OPRM1: variants seen among roughly 807,000 people sequenced by gnomAD.
The protein encoded by OPRM1 is mu-type opioid receptor.
In OPRM1, 27 loss-of-function variants were observed where a neutral mutation model predicts 31.8. The ratio of observed to expected loss-of-function variants is 0.85; its 90% CI spans 0.63 to 1.17. The LOEUF is 1.17. Ranked by LOEUF, OPRM1 falls within the 50% of genes most tolerant of loss-of-function variation. The pLI is 0.00. For missense variants in OPRM1, 536 were observed against 511.1 expected (o/e 1.05, Z -0.47); for synonymous variants, 196 against 189.9 (o/e 1.03, Z -0.26).
intron 3 of OPRM1, among the ~76,000 whole-genome samples, chr6:154,186,690 G>A (rs1583741606): frequency 6.6e-6 from 1 of 152,158 alleles, no homozygotes; most frequent in African/African-American, 2.4e-5. Flanking sequence ...CCGAGTAGCT[G>A]GGACTACAGG....
rs1048054616 is a variant in OPRM1 at position 154,168,359 on chromosome 6, C to T, written c.1164+76887C>T. 7.9e-5 allele frequency among the ~76,000 whole-genome samples: 12 copies of T among 152,122 alleles called. No individual in the cohort carries two copies. The highest frequency in any genetic ancestry group is 2.7e-4 in the African/African-American group (11 of 41,422). On this transcript the variant is annotated intron_variant, in intron 3 of 3. Transcript: ENST00000337049. The surrounding 1 kb of genome is among the most constrained non-coding windows in gnomAD (Gnocchi z 4.1). ...TTATTCCAAGCCTCTCTCCTGGCTT[C>T]AAGTGGTTTTTTGGTTTGTGGCAGT...
chr6:154,012,117 C>A (rs1331988066), intron 1 of OPRM1, among the ~76,000 whole-genome samples: 1 of 152,102 alleles, frequency 6.6e-6, no homozygotes, highest in Non-Finnish European at 1.5e-5. Context: ...TTGGACTGAA[C>A]AAAAGGTTTG....
chr6:154,025,747 A>G (rs1036069233), intron 1 of OPRM1, among the ~76,000 whole-genome samples: 7 of 151,938 alleles, frequency 4.6e-5, no homozygotes, highest in Non-Finnish European at 8.8e-5. Flanking sequence ...CTATCTTGTA[A>G]CTCATTATTT....
intron 3 of OPRM1, among the ~76,000 whole-genome samples, chr6:154,229,278 A>G (rs1481779357): frequency 1.3e-5 from 2 of 151,924 alleles, no homozygotes; most frequent in African/African-American, 4.8e-5. Flanking sequence ...TGAATGAACT[A>G]TAATCTTTTT....
rs905644272 is a variant in OPRM1, at chr6:154,168,615, T to C, written c.1164+77143T>C. On this transcript the variant is annotated intron_variant, in intron 3 of 3. Transcript: ENST00000337049. This position sits in a 1 kb window ranked among gnomAD's most constrained non-coding sequence, Gnocchi z 4.1. ...AATTAATTAATTAATTTTATTATTA[T>C]TTTTTTTGAGACGGAGTTTTACTGC... Among the ~76,000 whole-genome samples, 2 of 151,002 alleles carry C rather than the reference T, an allele frequency of 1.3e-5. No individual in the cohort carries two copies. The highest frequency in any genetic ancestry group is 2.5e-5 in the African/African-American group (1 of 40,764).
At chr6:154,153,159 T>C (rs764191750) in intron 3 of OPRM1, among the ~76,000 whole-genome samples, 50 of 152,342 alleles carry the variant, frequency 3.3e-4, no homozygotes, top group Non-Finnish European at 4.1e-4. Context: ...AGGACTTTCA[T>C]GCTTCTAGCT....
At chr6:154,067,087 AT>A (rs1785582708) in intron 1 of OPRM1, among the ~76,000 whole-genome samples, 1 of 151,950 alleles carries the variant, frequency 6.6e-6, no homozygotes, top group Non-Finnish European at 1.5e-5. Context: ...CTAGTTAAAG[AT>A]TTGCCAATTT....
upstream of OPRM1, among the ~76,000 whole-genome samples, chr6:154,034,804 T>C (rs1351271639): frequency 1.3e-5 from 2 of 152,108 alleles, no homozygotes; most frequent in African/African-American, 4.8e-5. Flanking sequence ...AGAGCAAGAC[T>C]TGAATAGAAA....
At chr6:154,010,721 A>C in exon 1 of OPRM1, 1 of 1,432,562 alleles carries the variant, frequency 7.0e-7, no homozygotes, top group Non-Finnish European at 9.1e-7. Flanking sequence ...CAGTGTGTGG[A>C]CATGACTTTG....
At chr6:154,145,672 A>C (rs1454198440) in intron 3 of OPRM1, among the ~76,000 whole-genome samples, 1 of 152,388 alleles carries the variant, frequency 6.6e-6, no homozygotes, top group South Asian at 2.1e-4. Context: ...TAAAATAGCT[A>C]AAACATTTTG....
chr6:154,169,526 A>G (rs1264042782), intron 3 of OPRM1, among the ~76,000 whole-genome samples: 1 of 152,216 alleles, frequency 6.6e-6, no homozygotes, highest in East Asian at 1.9e-4. Flanking sequence ...AATTATACAC[A>G]TGCTAAAGTT....
intron 1 of OPRM1, among the ~76,000 whole-genome samples, chr6:154,014,988 C>T (rs1024123825): frequency 6.6e-6 from 1 of 151,972 alleles, no homozygotes; most frequent in African/African-American, 2.4e-5. Context: ...AAGAAGTGTT[C>T]ACATCTCTAG....
chr6:154,223,464 C>CA (rs1279485026), intron 3 of OPRM1, among the ~76,000 whole-genome samples: 1 of 152,134 alleles, frequency 6.6e-6, no homozygotes, highest in Non-Finnish European at 1.5e-5. Context: ...AGAGAAGTGG[C>CA]ATGACATGAC....
chr6:154,061,984 A>C (rs538196224), intron 1 of OPRM1, among the ~76,000 whole-genome samples: 13 of 152,328 alleles, frequency 8.5e-5, no homozygotes, highest in Non-Finnish European at 1.2e-4. Flanking sequence ...AAAGCTCAAT[A>C]ACATTTTTGT....
intron 3 of OPRM1, among the ~76,000 whole-genome samples, chr6:154,166,339 C>T (rs1218503380): frequency 6.6e-6 from 1 of 152,248 alleles, no homozygotes; most frequent in Admixed American, 6.5e-5. Context: ...CCTGAGTCTG[C>T]TGCTCTGTGG....
rs764937431 is a variant in OPRM1, at chr6:154,169,357, T to TCA, written c.1165-77321_1165-77320dup. Among the ~76,000 whole-genome samples, 232 of 151,384 alleles carry TCA rather than the reference T, an allele frequency of 1.5e-3. 2 individuals are homozygous for TCA. The East Asian group carries it at 0.033, about 21-fold the overall frequency. ...GCCTGGGCTACAGAGTGAGACTCTG[T>TCA]CACACACACACACACAAAATATCAT... On this transcript the variant is annotated intron_variant, in intron 3 of 3. Transcript: ENST00000337049.
intron 1 of OPRM1, among the ~76,000 whole-genome samples, chr6:154,089,474 G>C (rs1416611543): frequency 6.6e-6 from 1 of 150,986 alleles, no homozygotes. Flanking sequence ...TGGGATCCCA[G>C]TTATTCAGGA....
chr6:154,119,238 A>G lies in OPRM1; in HGVS notation c.*517A>G, dbSNP rs1797173444. On this transcript the variant is annotated 3_prime_UTR_variant, in exon 4 of 4. Coordinates refer to ENST00000330432, the MANE Select transcript of OPRM1 (RefSeq NM_000914.5). ...TTCACCTTAAAATTAGCATCTGGCT[A>G]AGGCATCATTTTCACCTCCATTTCT... is the stretch of plus-strand genomic sequence containing the variant. The G allele has an allele frequency of 1.0e-6, 1 of 985,552 alleles. No individual in the cohort carries two copies. The highest frequency in any genetic ancestry group is 6.1e-5 in the Admixed American group (1 of 16,262). 61.1% of individuals were successfully genotyped at this position (985,552 alleles called of 1,614,324 possible).
At chr6:154,194,250 T>G (rs1172654036) in intron 3 of OPRM1, among the ~76,000 whole-genome samples, 1 of 151,952 alleles carries the variant, frequency 6.6e-6, no homozygotes, top group African/African-American at 2.4e-5. Context: ...AAATACAAAA[T>G]TAGCCAGGCG....
Sources: allele counts gnomAD v4.1 joint callset (sites outside exome capture counted in the v4.1 genomes callset), GRCh38; gene constraint gnomAD v4.1.1; non-coding constraint Gnocchi (gnomAD v3.1); transcripts MANE v1.5; gene names NCBI Gene and HGNC (gene_info 2026-07-23, HGNC 2026-07-21).